Variants in HUNK observed in about 807,000 individuals in gnomAD.
HUNK encodes hormonally up-regulated Neu-associated kinase, also known as hormonally up-regulated neu tumor-associated kinase.
Under a neutral mutation model 61.0 loss-of-function variants are expected in HUNK, and 21 were observed. The observed-to-expected ratio is 0.34, with a 90% CI of 0.24 to 0.50. HUNK has a LOEUF of 0.50. Among genes scored for constraint, HUNK ranks in the 20% least tolerant of loss-of-function variants. HUNK has a pLI of 0.98. For synonymous variants in HUNK, 371 were observed against 386.1 expected (o/e 0.96, Z 0.46); for missense variants, 772 against 945.7 (o/e 0.82, Z 2.41).
At chr21:31,874,007 C>G in intron 1 of HUNK, 72 bp downstream of exon 1, 1 of 1,219,880 alleles carries the variant, frequency 8.2e-7, no homozygotes, top group Admixed American at 2.9e-5. Flanking sequence ...GCGGGGAGCA[C>G]TGCACTGGGA....
intron 8 of HUNK, among the ~76,000 whole-genome samples, chr21:31,984,727 T>G (rs903493468): frequency 4.6e-5 from 7 of 152,172 alleles, no homozygotes; most frequent in African/African-American, 1.7e-4. Flanking sequence ...TGAGCTTTTC[T>G]TTCTCTCAGT....
chr21:31,932,414 G>T (rs2052704821), intron 2 of HUNK, among the ~76,000 whole-genome samples: 2 of 152,154 alleles, frequency 1.3e-5, no homozygotes, highest in African/African-American at 2.4e-5. Flanking sequence ...TGACCATCTT[G>T]AAAGAGATGC....
rs2052644915 is a variant in HUNK at position 31,924,337 on chromosome 21, T to A, written c.262-131T>A. On this transcript the variant is annotated intron_variant, in intron 1 of 10. Coordinates refer to ENST00000270112, the MANE Select transcript of HUNK (RefSeq NM_014586.2). This position sits in a 1 kb window ranked among gnomAD's most constrained non-coding sequence, Gnocchi z 5.1. ...TGTGTATATATATATTTTCTGTTGATGCTGTTTTAGGTAAGGTGTTTCTCC... is the reference window on the plus strand; with the variant it reads ...TGTGTATATATATATTTTCTGTTGAAGCTGTTTTAGGTAAGGTGTTTCTCC... 3.0e-6 allele frequency: 2 copies of A among 670,816 alleles called. No individual in the cohort carries two copies. Among genetic ancestry groups the A allele is most frequent in the Non-Finnish European group, 5.0e-6 (2 of 399,414 alleles). 41.6% of individuals were successfully genotyped at this position (670,816 alleles called of 1,614,324 possible).
At chr21:31,919,021 G>A (rs895084518) in intron 1 of HUNK, among the ~76,000 whole-genome samples, 1 of 121,230 alleles carries the variant, frequency 8.2e-6, no homozygotes, top group African/African-American at 3.2e-5. Flanking sequence ...AGGAGGGGCT[G>A]GACTGAGCGG....
intron 1 of HUNK, among the ~76,000 whole-genome samples, chr21:31,903,996 G>A (rs2052487931): frequency 6.6e-6 from 1 of 152,122 alleles, no homozygotes; most frequent in Non-Finnish European, 1.5e-5. Context: ...TAAAGAAATA[G>A]CCCACTTGCT....
intron 9 of HUNK, among the ~76,000 whole-genome samples, chr21:31,994,858 A>G (rs180863426): frequency 1.2e-3 from 190 of 152,386 alleles, no homozygotes; most frequent in Non-Finnish European, 1.6e-3. Context: ...GATTTAAACC[A>G]AAAGAATGGC....
chr21:31,900,129 T>C (rs1488099896), intron 1 of HUNK, among the ~76,000 whole-genome samples: 1 of 152,118 alleles, frequency 6.6e-6, no homozygotes, highest in African/African-American at 2.4e-5. Flanking sequence ...ACAGTCTAGT[T>C]TAATCCTCGT....
At chr21:31,990,977 A>AG (rs1158365007) in intron 9 of HUNK, among the ~76,000 whole-genome samples, 4 of 152,256 alleles carry the variant, frequency 2.6e-5, no homozygotes, top group Non-Finnish European at 4.4e-5. Flanking sequence ...GTCTCTGCCC[A>AG]GGGCAGCAGG....
chr21:31,966,518 G>A (rs2052967518), intron 5 of HUNK, among the ~76,000 whole-genome samples: 1 of 152,190 alleles, frequency 6.6e-6, no homozygotes, highest in African/African-American at 2.4e-5. Flanking sequence ...CACCCTGGTG[G>A]TGGGTTGACC....
intron 3 of HUNK, among the ~76,000 whole-genome samples, chr21:31,941,781 TGGAGGAAA>T (rs2052770505): frequency 6.6e-6 from 1 of 152,106 alleles, no homozygotes; most frequent in African/African-American, 2.4e-5. Context: ...GGGTAGGGAA[TGGAGGAAA>T]GGAGTTTTTT....
chr21:31,957,965 G>T (rs1182125930), intron 4 of HUNK, among the ~76,000 whole-genome samples: 3 of 152,174 alleles, frequency 2.0e-5, no homozygotes, highest in Admixed American at 6.5e-5. Context: ...TCACAGTTTG[G>T]CTGTGACTGG....
At chr21:31,923,958 G>A (rs550263480) in intron 1 of HUNK, among the ~76,000 whole-genome samples, 1 of 152,254 alleles carries the variant, frequency 6.6e-6, no homozygotes, top group Admixed American at 6.5e-5. Flanking sequence ...CAAGGCTAGG[G>A]GTGCTGCATC....
rs767745620 is a variant in HUNK, at chr21:31,990,172, T to G, written c.1301T>G (p.Val434Gly). 21 of 1,613,600 alleles carry G rather than the reference T, an allele frequency of 1.3e-5. No homozygotes were observed. In the Middle Eastern group the frequency reaches 1.5e-3, roughly 114 times the overall value. The change falls in exon 9 of 11, where the codon GTG (valine) becomes GGG (glycine). Residue 434 changes from valine (V) to glycine (G), a missense_variant. This residue lies in a region of HUNK where 413 missense variants were observed against 444.4 expected (regional missense o/e 0.93). Transcript: ENST00000270112. ...TWTRDLEFHA[V>G]QDKKPKEQEK... ...ACACGAGATCTTGAATTCCATGCCG[T>G]GCAGGTAAGAACTTGGGGGATTATT...
At chr21:31,991,367 C>G (rs896018828) in intron 9 of HUNK, among the ~76,000 whole-genome samples, 2 of 152,148 alleles carry the variant, frequency 1.3e-5, no homozygotes, top group African/African-American at 4.8e-5. Flanking sequence ...TACAGACGCT[C>G]TCCACCATGC....
chr21:31,880,617 T>C (rs2123787128), intron 1 of HUNK, among the ~76,000 whole-genome samples: 1 of 152,346 alleles, frequency 6.6e-6, no homozygotes, highest in East Asian at 1.9e-4. Context: ...TCATGGGATG[T>C]AGGTCTACCC....
chr21:31,987,528 C>A (rs1787730866), intron 8 of HUNK, among the ~76,000 whole-genome samples: 1 of 152,124 alleles, frequency 6.6e-6, no homozygotes, highest in Non-Finnish European at 1.5e-5. Flanking sequence ...GGAAAGGGGC[C>A]CTTCTTTCAT....
intron 4 of HUNK, among the ~76,000 whole-genome samples, chr21:31,953,387 G>A (rs765978344): frequency 2.0e-4 from 31 of 151,924 alleles, no homozygotes; most frequent in Non-Finnish European, 3.8e-4. Context: ...GGCATGCACC[G>A]CCAAGCCCAG....
chr21:31,946,112 C>T lies in HUNK; in HGVS notation c.687C>T (p.Tyr229=), dbSNP rs766332712. ...GCACACAGTGTGGCAGCCCTGCCTA[C>T]GCTGCACCTGAACTGCTCGCCAGGA... ...PFSTQCGSPA[Y]AAPELLARKK... is the part of the protein sequence containing the mutation. Residue 229 remains tyrosine (Y), a synonymous_variant, in exon 4 of 11, where the codon TAC becomes TAT. Transcript: ENST00000270112. 18 of 1,613,474 alleles carry T rather than the reference C, an allele frequency of 1.1e-5. No homozygotes were observed. Among genetic ancestry groups the T allele is most frequent in the East Asian group, 6.7e-5 (3 of 44,878 alleles).
At chr21:31,876,481 T>C (rs1207070088) in intron 1 of HUNK, among the ~76,000 whole-genome samples, 1 of 152,224 alleles carries the variant, frequency 6.6e-6, no homozygotes, top group African/African-American at 2.4e-5. Flanking sequence ...TGTGTGTGTA[T>C]GCTTGACTCT....
Sources: gnomAD v4.1 joint callset for allele counts (sites outside exome capture counted in the v4.1 genomes callset) on GRCh38, gnomAD v4.1.1 for gene constraint, gnomAD v4.1.1 regional missense constraint, Gnocchi (gnomAD v3.1) non-coding constraint, MANE v1.5 for transcripts, NCBI Gene and HGNC (gene_info 2026-07-23, HGNC 2026-07-21) for gene names.